RBFOX1: variants seen among roughly 807,000 people sequenced by gnomAD.
RBFOX1 encodes RNA binding protein fox-1 homolog 1.
Under a neutral mutation model 57.7 loss-of-function variants are expected in RBFOX1, and 8 were observed. The observed-to-expected ratio is 0.14, with a 90% confidence interval of 0.08 to 0.25. The LOEUF (loss-of-function observed/expected upper bound fraction) is 0.25, where lower values mean the gene tolerates loss of function less well. Among genes scored for constraint, RBFOX1 ranks in the 10% least tolerant of loss-of-function variants. The pLI, the probability that RBFOX1 is intolerant of heterozygous loss-of-function variation, is 1.00. For synonymous variants in RBFOX1, 326 were observed against 222.4 expected (o/e 1.47, Z -4.15); for missense variants, 611 against 548.5 (o/e 1.11, Z -1.14).
chr16:6,564,481 A>AACAAAAAC (rs1171043165), intron 2 of RBFOX1, among the ~76,000 whole-genome samples: 10 of 151,782 alleles, frequency 6.6e-5, no homozygotes, highest in South Asian at 6.3e-4. Context: ...AAAACAAACA[A>AACAAAAAC]AAATAAACAA....
intron 1 of RBFOX1, among the ~76,000 whole-genome samples, chr16:5,312,059 C>G (rs2064105801): frequency 2.6e-5 from 4 of 152,216 alleles, no homozygotes; most frequent in Admixed American, 2.6e-4. Flanking sequence ...TCAGGAGGGG[C>G]TGCATGAATG....
intron 4 of RBFOX1, among the ~76,000 whole-genome samples, chr16:7,472,056 G>T (rs2061655459): frequency 6.6e-6 from 1 of 152,142 alleles, no homozygotes; most frequent in South Asian, 2.1e-4. Context: ...CAATTTAGCT[G>T]CTATGCCTGG....
chr16:5,988,374 C>G (rs956641064), intron 4 of RBFOX1, among the ~76,000 whole-genome samples: 1 of 152,086 alleles, frequency 6.6e-6, no homozygotes, highest in Non-Finnish European at 1.5e-5. Flanking sequence ...AAAGTGATTA[C>G]TTTAGGATTA....
chr16:6,165,289 T>C (rs576524106), intron 1 of RBFOX1, among the ~76,000 whole-genome samples: 1 of 152,322 alleles, frequency 6.6e-6, no homozygotes, highest in South Asian at 2.1e-4. Flanking sequence ...ATTGTTTTTA[T>C]ATTTACTTTT....
intron 1 of RBFOX1, among the ~76,000 whole-genome samples, chr16:5,291,941 A>C (rs569323680): frequency 6.6e-6 from 1 of 151,438 alleles, no homozygotes; most frequent in East Asian, 1.9e-4. Flanking sequence ...TGTGAAGAGG[A>C]ATGTTTGTGT....
chr16:7,197,617 G>T (rs934117257), intron 4 of RBFOX1, among the ~76,000 whole-genome samples: 5 of 152,264 alleles, frequency 3.3e-5, no homozygotes, highest in South Asian at 4.1e-4. Flanking sequence ...AAACAAAAAT[G>T]TGTACAGAAA....
At chr16:7,179,803 C>G (rs576059002) in intron 4 of RBFOX1, among the ~76,000 whole-genome samples, 1 of 151,992 alleles carries the variant, frequency 6.6e-6, no homozygotes, top group Non-Finnish European at 1.5e-5. Context: ...GGCATGATCT[C>G]GGCTCACTGC....
chr16:5,378,563 C>T (rs60602687), intron 1 of RBFOX1, among the ~76,000 whole-genome samples: 2 of 151,304 alleles, frequency 1.3e-5, no homozygotes, highest in Non-Finnish European at 2.9e-5. Flanking sequence ...GCAAGTTGTC[C>T]CAGTTATACC....
intron 4 of RBFOX1, among the ~76,000 whole-genome samples, chr16:7,415,232 G>A (rs945620233): frequency 6.6e-6 from 1 of 152,184 alleles, no homozygotes; most frequent in African/African-American, 2.4e-5. Context: ...AGTGTCTGGG[G>A]TATTAAGGTT....
intron 3 of RBFOX1, among the ~76,000 whole-genome samples, chr16:5,798,541 G>A (rs1486543248): frequency 1.3e-5 from 2 of 152,188 alleles, no homozygotes; most frequent in Non-Finnish European, 2.9e-5. Flanking sequence ...AAACAGTTGG[G>A]TATTACAGGG....
intron 2 of RBFOX1, among the ~76,000 whole-genome samples, chr16:5,486,886 C>A (rs1318967595): frequency 2.6e-5 from 4 of 152,042 alleles, no homozygotes; most frequent in African/African-American, 9.7e-5. Context: ...TGAGACCCAG[C>A]AACCTCAGAA....
chr16:6,045,564 TG>T (rs2067855187), intron 1 of RBFOX1, among the ~76,000 whole-genome samples: 1 of 152,242 alleles, frequency 6.6e-6, no homozygotes, highest in Non-Finnish European at 1.5e-5. Flanking sequence ...ATTGAATACC[TG>T]TCAGACACCA....
At position 6,293,000 on chromosome 16, in the gene RBFOX1, T is replaced by C. The variant is rs2077631659; in HGVS notation, c.-126-23995T>C. Among the ~76,000 whole-genome samples, 5 of 152,120 alleles carry C rather than the reference T, an allele frequency of 3.3e-5. No individual in the cohort carries two copies. In the South Asian group the frequency reaches 1.0e-3, roughly 32 times the overall value. Reference sequence around the variant, plus strand: ...TGTCCCCAGGGTACTTACAATTTCCTTCCTGTCTTCATATCTTTCCCCCAC... The same window carrying C: ...TGTCCCCAGGGTACTTACAATTTCCCTCCTGTCTTCATATCTTTCCCCCAC... On this transcript the variant is annotated intron_variant, in intron 1 of 15. Coordinates refer to ENST00000550418, the MANE Select transcript of RBFOX1 (RefSeq NM_018723.4).
chr16:6,455,974 C>G (rs1046319316), intron 2 of RBFOX1, among the ~76,000 whole-genome samples: 16 of 152,040 alleles, frequency 1.1e-4, no homozygotes, highest in African/African-American at 3.4e-4. Context: ...CTAAAGCTAG[C>G]CACTGGAACT....
chr16:5,664,384 C>G (rs1028850894), intron 3 of RBFOX1, among the ~76,000 whole-genome samples: 2 of 152,040 alleles, frequency 1.3e-5, no homozygotes, highest in African/African-American at 4.8e-5. Context: ...ACTGTCTCTA[C>G]TAAAAATACA....
At chr16:7,069,444 G>T (rs965624426) in intron 4 of RBFOX1, among the ~76,000 whole-genome samples, 1 of 152,118 alleles carries the variant, frequency 6.6e-6, no homozygotes, top group African/African-American at 2.4e-5. Context: ...GAGAGCATGC[G>T]GTGTTCAGTT....
intron 1 of RBFOX1, among the ~76,000 whole-genome samples, chr16:5,340,758 TG>T (rs2151294429): frequency 6.6e-6 from 1 of 152,322 alleles, no homozygotes; most frequent in African/African-American, 2.4e-5. Flanking sequence ...CTGTCCAAAA[TG>T]CTGGAGACAC....
At chr16:6,682,953 G>A (rs2058887003) in intron 3 of RBFOX1, among the ~76,000 whole-genome samples, 2 of 151,766 alleles carry the variant, frequency 1.3e-5, no homozygotes, top group South Asian at 2.1e-4. Flanking sequence ...GTCACATCAG[G>A]CCTCATAGGG....
At chr16:6,891,152 C>A (rs941904492) in intron 3 of RBFOX1, among the ~76,000 whole-genome samples, 15 of 152,320 alleles carry the variant, frequency 9.8e-5, no homozygotes, top group Admixed American at 2.6e-4. Context: ...CTCATGTCTT[C>A]CATTACAGGT....
Sources: gnomAD v4.1 joint callset for allele counts (sites outside exome capture counted in the v4.1 genomes callset) on GRCh38, gnomAD v4.1.1 for gene constraint, MANE v1.5 for transcripts, NCBI Gene and HGNC (gene_info 2026-07-23, HGNC 2026-07-21) for gene names.